Variants in CLPB observed in about 807,000 individuals in gnomAD.
CLPB encodes the protein ClpB family mitochondrial disaggregase, also known as mitochondrial disaggregase.
CLPB carries 40 observed loss-of-function variants against 78.4 expected under a neutral mutation model. The observed-to-expected ratio is 0.51, with a 90% CI of 0.40 to 0.66. The LOEUF (loss-of-function observed/expected upper bound fraction) is 0.66, where lower values mean the gene tolerates loss of function less well. Ranked by LOEUF, CLPB falls within the 30% of genes least tolerant of loss-of-function variation. The pLI is 0.00. For synonymous variants in CLPB, 333 were observed against 348.0 expected (o/e 0.96, Z 0.48); for missense variants, 780 against 886.9 (o/e 0.88, Z 1.53).
intron 5 of CLPB, among the ~76,000 whole-genome samples, chr11:72,345,721 G>C (rs1055246930): frequency 6.6e-6 from 1 of 152,138 alleles, no homozygotes; most frequent in African/African-American, 2.4e-5. Flanking sequence ...CTAAAACTGA[G>C]AGCAAATTGA....
At chr11:72,420,991 A>G (rs561274544) in intron 2 of CLPB, among the ~76,000 whole-genome samples, 10 of 152,290 alleles carry the variant, frequency 6.6e-5, no homozygotes, top group Admixed American at 4.6e-4. Context: ...GAAACCCCAT[A>G]TGTACTAAAA....
Position 72,336,037 on chromosome 11 carries a change from G to A in CLPB, c.776-6233C>T, listed in dbSNP as rs543271860. Among the ~76,000 whole-genome samples, 10 of 152,184 alleles carry A rather than the reference G, an allele frequency of 6.6e-5. No individual in the cohort carries two copies. The South Asian group carries it at 1.9e-3, about 28-fold the overall frequency. On this transcript the variant is annotated intron_variant, in intron 5 of 15. Transcript: ENST00000538039. ...GAAGTGGGGAAGAAGTGGTTGGAGA[G>A]AGAGGCCCACCTGCCTTTCCTAGGG... is the stretch of plus-strand genomic sequence containing the variant.
chr11:72,392,919 C>G (rs1855296442), intron 3 of CLPB, among the ~76,000 whole-genome samples: 1 of 152,180 alleles, frequency 6.6e-6, no homozygotes, highest in African/African-American at 2.4e-5. Context: ...TAAGCTCTTA[C>G]TGCATAGTAC....
At chr11:72,353,386 T>C (rs1241478143) in intron 5 of CLPB, among the ~76,000 whole-genome samples, 1 of 152,164 alleles carries the variant, frequency 6.6e-6, no homozygotes, top group East Asian at 1.9e-4. Context: ...AGTGGCATTA[T>C]GACTGTAAGG....
intron 4 of CLPB, among the ~76,000 whole-genome samples, chr11:72,362,867 C>A (rs562719406): frequency 1.2e-4 from 18 of 152,198 alleles, no homozygotes; most frequent in African/African-American, 4.1e-4. Context: ...GTGAGGTGGG[C>A]AAAGTGAGGT....
At position 72,293,194 on chromosome 11, in the gene CLPB, C is replaced by G. The variant is rs79458542; in HGVS notation, c.*173G>C. Reference sequence around the variant, plus strand: ...AAAGGGGCCAGAGTAGGGCGAAATTCCTCCTTCAGGTTTTGGGGCTGAGAA... The same window carrying G: ...AAAGGGGCCAGAGTAGGGCGAAATTGCTCCTTCAGGTTTTGGGGCTGAGAA... On this transcript the variant is annotated 3_prime_UTR_variant, in exon 16 of 16. Coordinates refer to ENST00000538039, the MANE Select transcript of CLPB (RefSeq NM_001258392.3). 2,270 of 775,744 alleles carry G rather than the reference C, an allele frequency of 2.9e-3. 36 individuals are homozygous for G. The African/African-American group carries it at 0.037, about 13-fold the overall frequency. The allele number at this position is 775,744 out of a possible 1,614,324, so 48.1% of individuals were successfully genotyped here. A position where few individuals can be genotyped will look rare whatever the true frequency, so the allele number is the denominator to read the frequency against.
In CLPB at chr11:72,293,441, C is replaced by T. The variant is rs781355066; in HGVS notation, c.1960G>A (p.Asp654Asn). The change falls in exon 16 of 16, where the codon GAC (aspartate) becomes AAC (asparagine). Residue 654 changes from aspartate to asparagine, a missense_variant. Asp to Asn is a conservative substitution (Grantham distance 23, BLOSUM62 1). Around this residue, in one of 3 missense-constraint regions of CLPB, gnomAD observed 272 missense variants for 304.0 expected, o/e 0.89. Transcript: ENST00000538039. Reference sequence around the variant, plus strand: ...AGTCTGCGAGTCTTGCTGTCCTTGTCGATGATCTCCAGACGCAGCTTGGGG... The same window carrying T: ...AGTCTGCGAGTCTTGCTGTCCTTGTTGATGATCTCCAGACGCAGCTTGGGG... ...RLPKLRLEII[D>N]KDSKTRRLDI... is the part of the protein sequence containing the mutation. 50 of 1,614,136 alleles carry T rather than the reference C, an allele frequency of 3.1e-5. No homozygotes were observed. The highest frequency in any genetic ancestry group is 4.4e-5 in the South Asian group (4 of 91,072).
chr11:72,402,167 G>A (rs1855582491), intron 3 of CLPB, among the ~76,000 whole-genome samples: 1 of 152,120 alleles, frequency 6.6e-6, no homozygotes, highest in South Asian at 2.1e-4. Context: ...GGGTGAGGTG[G>A]GTGGATCGCT....
At position 72,292,064 on chromosome 11, in the gene CLPB, A is replaced by C. The variant is rs2135481292; in HGVS notation, c.*1303T>G. 2 of 152,298 alleles carry C rather than the reference A, an allele frequency of 1.3e-5. No individual in the cohort carries two copies. The highest frequency in any genetic ancestry group is 2.1e-4 in the South Asian group (1 of 4,776). The allele number at this position is 152,298 out of a possible 1,614,324, so 9.4% of individuals were successfully genotyped here. A position where few individuals can be genotyped will look rare whatever the true frequency, so the allele number is the denominator to read the frequency against. On this transcript the variant is annotated 3_prime_UTR_variant, in exon 16 of 16. Coordinates refer to ENST00000538039, the MANE Select transcript of CLPB (RefSeq NM_001258392.3). ...TCTCAAAAAAAAAAAAAAAAAAAAA[A>C]AGGCAGTCAGTGAGGTAGGGAGCAG...
chr11:72,302,984 C>T (rs1315910577), intron 9 of CLPB: 1 of 153,280 alleles, frequency 6.5e-6, no homozygotes, highest in East Asian at 1.9e-4. Flanking sequence ...GCCCTTTTCT[C>T]TCCACCACAG....
At chr11:72,325,918 A>G (rs1950126072) in intron 6 of CLPB, among the ~76,000 whole-genome samples, 1 of 152,188 alleles carries the variant, frequency 6.6e-6, no homozygotes, top group Non-Finnish European at 1.5e-5. Flanking sequence ...TTTTTTACAA[A>G]AAAGGCCATC....
intron 2 of CLPB, among the ~76,000 whole-genome samples, chr11:72,415,187 G>C (rs1233975828): frequency 2.6e-5 from 4 of 152,146 alleles, no homozygotes; most frequent in Non-Finnish European, 4.4e-5. Flanking sequence ...CTGCACTCCA[G>C]CCTGGCGACA....
chr11:72,369,226 C>A (rs116319897), intron 4 of CLPB, among the ~76,000 whole-genome samples: 87 of 152,252 alleles, frequency 5.7e-4, no homozygotes, highest in African/African-American at 2.0e-3. Flanking sequence ...CACCTTCACA[C>A]CACCAAATTC....
At chr11:72,324,480 C>T (rs1032748315) in intron 6 of CLPB, among the ~76,000 whole-genome samples, 3 of 151,934 alleles carry the variant, frequency 2.0e-5, no homozygotes, top group East Asian at 1.9e-4. Context: ...GCAGGAGAAT[C>T]GCTTGAATCT....
chr11:72,398,156 T>C (rs1855462298), intron 3 of CLPB, among the ~76,000 whole-genome samples: 1 of 152,118 alleles, frequency 6.6e-6, no homozygotes, highest in African/African-American at 2.4e-5. Flanking sequence ...CTGGGAAAGG[T>C]AGGAGGCTCC....
intron 2 of CLPB, among the ~76,000 whole-genome samples, chr11:72,427,747 T>C (rs1445406137): frequency 6.6e-6 from 1 of 152,230 alleles, no homozygotes; most frequent in African/African-American, 2.4e-5. Context: ...AAGTATACTC[T>C]ATGATGTTCA....
chr11:72,395,693 G>A (rs888059332), intron 3 of CLPB, among the ~76,000 whole-genome samples: 1 of 152,184 alleles, frequency 6.6e-6, no homozygotes, highest in Admixed American at 6.5e-5. Flanking sequence ...TCTACAGCAC[G>A]AAGCCAGACC....
chr11:72,429,012 C>G (rs964433283), intron 2 of CLPB: 1 of 152,340 alleles, frequency 6.6e-6, no homozygotes, highest in South Asian at 2.1e-4. Flanking sequence ...GGCAGCCCTT[C>G]GCAGTAGCCA....
At chr11:72,294,515 G>A (rs942081291) in intron 13 of CLPB, 71 bp from the exon 14 acceptor site, 49 of 1,610,338 alleles carry the variant, frequency 3.0e-5, no homozygotes, top group Middle Eastern at 1.6e-4. Context: ...CCAGACACCA[G>A]GGGAAGACTG....
Sources: allele counts gnomAD v4.1 joint callset (sites outside exome capture counted in the v4.1 genomes callset), GRCh38; gene constraint gnomAD v4.1.1; regional missense constraint gnomAD v4.1.1; transcripts MANE v1.5; gene names NCBI Gene and HGNC (gene_info 2026-07-23, HGNC 2026-07-21).